Variants in MTA3 observed in about 807,000 individuals in gnomAD.
MTA3 encodes metastasis associated 1 family member 3, also known as metastasis-associated protein MTA3.
Under a neutral mutation model 83.5 loss-of-function variants are expected in MTA3, and 34 were observed. The observed-to-expected ratio is 0.41, with a 90% CI of 0.31 to 0.54. The LOEUF (loss-of-function observed/expected upper bound fraction) is 0.54, where lower values mean the gene tolerates loss of function less well. Among genes scored for constraint, MTA3 ranks in the 20% least tolerant of loss-of-function variants. The pLI is 0.33. For synonymous variants in MTA3, 303 were observed against 252.7 expected (o/e 1.20, Z -1.89); for missense variants, 761 against 726.4 (o/e 1.05, Z -0.55).
At chr2:42,748,674 C>A (rs1364750700) in intron 16 of MTA3, among the ~76,000 whole-genome samples, 1 of 152,056 alleles carries the variant, frequency 6.6e-6, no homozygotes, top group African/African-American at 2.4e-5. Context: ...CTGAATTATC[C>A]ATTAATCTAG....
At chr2:42,534,870 G>A (rs1443554019) in intron 2 of MTA3, among the ~76,000 whole-genome samples, 1 of 152,014 alleles carries the variant, frequency 6.6e-6, no homozygotes, top group Non-Finnish European at 1.5e-5. Flanking sequence ...TGATCCGCTA[G>A]CCTTGGCCTC....
chr2:42,743,141 A>G (rs1184544140), intron 16 of MTA3, among the ~76,000 whole-genome samples: 3 of 152,160 alleles, frequency 2.0e-5, no homozygotes, highest in Non-Finnish European at 4.4e-5. Context: ...TCCTGGAGAG[A>G]AGAAAGGCAG....
At chr2:42,595,106 AT>A (rs67598721) in intron 3 of MTA3, among the ~76,000 whole-genome samples, 62 of 77,054 alleles carry the variant, frequency 8.0e-4, no homozygotes, top group African/African-American at 2.7e-3. Context: ...CAGGAGCTTC[AT>A]TTTTTTTTTT....
chr2:42,495,548 A>T (rs954560529), intron 2 of MTA3, among the ~76,000 whole-genome samples: 17 of 152,176 alleles, frequency 1.1e-4, no homozygotes, highest in African/African-American at 4.1e-4. Context: ...TCAAGACAGA[A>T]TTGGAGGTGC....
At chr2:42,553,534 G>A (rs1168859503) in intron 2 of MTA3, among the ~76,000 whole-genome samples, 2 of 151,272 alleles carry the variant, frequency 1.3e-5, no homozygotes, top group East Asian at 1.9e-4. Context: ...TCAGGAGTTC[G>A]AAACCAGCCT....
At chr2:42,505,618 C>A (rs956022572) in intron 2 of MTA3, among the ~76,000 whole-genome samples, 1 of 151,776 alleles carries the variant, frequency 6.6e-6, no homozygotes, top group Non-Finnish European at 1.5e-5. Flanking sequence ...GAATGCGGAT[C>A]ATTATACAAG....
At chr2:42,651,715 A>G (rs1205896187) in intron 6 of MTA3, among the ~76,000 whole-genome samples, 3 of 150,686 alleles carry the variant, frequency 2.0e-5, no homozygotes, top group Non-Finnish European at 4.4e-5. Context: ...GGAGAATCAC[A>G]TAAGCCCAGG....
In MTA3 at chr2:42,745,327, G is replaced by C. The variant is rs139699037; in HGVS notation, c.1760-8047G>C. ...TAACTGATTGAGCCCCTCTAGGACA[G>C]CCAGTGAGCAAGACCAAGAGTAAGT... On this transcript the variant is annotated intron_variant, in intron 16 of 16. Transcript: ENST00000405094. Among the ~76,000 whole-genome samples the C allele has an allele frequency of 1.5e-4, 23 of 152,286 alleles. No individual in the cohort carries two copies. In the East Asian group the frequency reaches 3.9e-3, roughly 26 times the overall value.
intron 3 of MTA3, among the ~76,000 whole-genome samples, chr2:42,605,008 C>T (rs1419500370): frequency 4.0e-5 from 6 of 150,694 alleles, no homozygotes; most frequent in Middle Eastern, 3.5e-3. Flanking sequence ...CGGCAACCAT[C>T]CGATTTCTCA....
rs909242099 is a variant in MTA3 at position 42,657,024 on chromosome 2, CTA to C, written c.602+724_602+725del. ...TATAAAATGTTTGCTGTGTACAAAA[CTA>C]TTTTATTAGTGGATTTTTAAATACA... On this transcript the variant is annotated intron_variant, in intron 7 of 16. Transcript: ENST00000405094. 1.0e-3 allele frequency among the ~76,000 whole-genome samples: 159 copies of C among 152,058 alleles called. 2 individuals are homozygous for C. The highest frequency in any genetic ancestry group is 3.7e-3 in the African/African-American group (154 of 41,470).
At chr2:42,747,724 C>T (rs936021320) in intron 16 of MTA3, among the ~76,000 whole-genome samples, 7 of 151,950 alleles carry the variant, frequency 4.6e-5, no homozygotes, top group Admixed American at 3.3e-4. Context: ...ATGTAACTCC[C>T]ACAGAGCTTG....
At chr2:42,628,137 C>T (rs1360330174) in intron 4 of MTA3, among the ~76,000 whole-genome samples, 1 of 152,152 alleles carries the variant, frequency 6.6e-6, no homozygotes, top group Non-Finnish European at 1.5e-5. Context: ...CCGCCTTGGC[C>T]TTCCAAAGTG....
intron 8 of MTA3, among the ~76,000 whole-genome samples, chr2:42,671,743 G>C (rs1352071226): frequency 1.3e-5 from 2 of 152,100 alleles, no homozygotes; most frequent in Non-Finnish European, 2.9e-5. Context: ...AATTGCCTTT[G>C]AGAATGTGGT....
chr2:42,597,019 C>A (rs910720518), intron 3 of MTA3, among the ~76,000 whole-genome samples: 26 of 151,922 alleles, frequency 1.7e-4, no homozygotes, highest in Non-Finnish European at 3.4e-4. Context: ...ATTCTCCTCC[C>A]TCAGCCTCCT....
At chr2:42,596,716 A>G (rs1269997283) in intron 3 of MTA3, among the ~76,000 whole-genome samples, 1 of 152,174 alleles carries the variant, frequency 6.6e-6, no homozygotes, top group African/African-American at 2.4e-5. Flanking sequence ...AGCTTTTTAG[A>G]AAGCCTTGTG....
chr2:42,519,980 T>G (rs1013872120), intron 2 of MTA3, among the ~76,000 whole-genome samples: 6 of 152,082 alleles, frequency 3.9e-5, no homozygotes, highest in African/African-American at 1.4e-4. Context: ...AGGTGGAGGT[T>G]GCAGTGAGTT....
At chr2:42,607,192 A>C (rs879573462) in intron 3 of MTA3, among the ~76,000 whole-genome samples, 6 of 152,072 alleles carry the variant, frequency 3.9e-5, no homozygotes, top group Admixed American at 2.0e-4. Flanking sequence ...GGGTGGATAC[A>C]AAGATAAGTG....
chr2:42,747,226 C>T (rs752533666), intron 16 of MTA3, among the ~76,000 whole-genome samples: 13 of 152,098 alleles, frequency 8.5e-5, no homozygotes, highest in Non-Finnish European at 1.9e-4. Flanking sequence ...TCTTGAACTC[C>T]TGACCTCAGG....
chr2:42,623,625 T>G (rs1685787723), intron 4 of MTA3, among the ~76,000 whole-genome samples: 2 of 152,142 alleles, frequency 1.3e-5, no homozygotes, highest in Admixed American at 1.3e-4. Flanking sequence ...TCCTTTTCAC[T>G]GTTTGGATTT....
Sources: allele counts gnomAD v4.1 joint callset (sites outside exome capture counted in the v4.1 genomes callset), GRCh38; gene constraint gnomAD v4.1.1; transcripts MANE v1.5; gene names NCBI Gene and HGNC (gene_info 2026-07-23, HGNC 2026-07-21).